The following CADM2 variants were observed in gnomAD, a reference collection of about 807,000 sequenced individuals.
CADM2 encodes the protein immunoglobulin superfamily member 4D.
Under a neutral mutation model 49.8 loss-of-function variants are expected in CADM2, and 12 were observed. The observed-to-expected ratio is 0.24, with a 90% confidence interval of 0.15 to 0.39. The LOEUF (loss-of-function observed/expected upper bound fraction) is 0.39, where lower values mean the gene tolerates loss of function less well. Ranked by LOEUF, CADM2 falls within the 10% of genes least tolerant of loss-of-function variation. The pLI is 1.00. For missense variants in CADM2, 378 were observed against 492.3 expected, an observed-to-expected ratio of 0.77 and a Z score of 2.20; for synonymous variants, 214 against 175.4, an observed-to-expected ratio of 1.22 and a Z score of -1.74.
chr3:86,046,759 T>C (rs1402289348), intron 8 of CADM2, among the ~76,000 whole-genome samples: 1 of 152,202 alleles, frequency 6.6e-6, no homozygotes, highest in East Asian at 1.9e-4. Flanking sequence ...GCTTTATTTT[T>C]CCTCCGTCTT....
chr3:85,193,387 A>G (rs890576730), intron 1 of CADM2, among the ~76,000 whole-genome samples: 1 of 152,040 alleles, frequency 6.6e-6, no homozygotes, highest in African/African-American at 2.4e-5. Flanking sequence ...TAGCAGATCT[A>G]TCTAAAAAAT....
At chr3:85,033,333 T>A (rs1448625581) in intron 1 of CADM2, among the ~76,000 whole-genome samples, 1 of 152,172 alleles carries the variant, frequency 6.6e-6, no homozygotes, top group Non-Finnish European at 1.5e-5. Flanking sequence ...TAAAGTTTAT[T>A]TTTAGGTAGC....
intron 1 of CADM2, among the ~76,000 whole-genome samples, chr3:85,550,257 A>G (rs2061768825): frequency 6.6e-6 from 1 of 152,222 alleles, no homozygotes; most frequent in Non-Finnish European, 1.5e-5. Flanking sequence ...TGTATATTTT[A>G]AATTCAAGGA....
chr3:85,540,805 C>A (rs1466316422), intron 1 of CADM2, among the ~76,000 whole-genome samples: 1 of 152,110 alleles, frequency 6.6e-6, no homozygotes, highest in Admixed American at 6.6e-5. Flanking sequence ...GCTGGAAGTA[C>A]AAGATCAATG....
intron 7 of CADM2, among the ~76,000 whole-genome samples, chr3:85,946,461 C>T (rs1315790952): frequency 4.6e-5 from 7 of 151,918 alleles, no homozygotes; most frequent in Non-Finnish European, 8.8e-5. Flanking sequence ...AAAAAGAGCC[C>T]GCATCGCCAA....
At chr3:85,135,419 T>G (rs2039386165) in intron 1 of CADM2, among the ~76,000 whole-genome samples, 1 of 152,054 alleles carries the variant, frequency 6.6e-6, no homozygotes, top group Non-Finnish European at 1.5e-5. Context: ...ATTGGCACAA[T>G]ATAATTTTGT....
chr3:86,043,851 A>C (rs1442542018), intron 8 of CADM2, among the ~76,000 whole-genome samples: 1 of 152,202 alleles, frequency 6.6e-6, no homozygotes, highest in African/African-American at 2.4e-5. Flanking sequence ...TGGTAGTGGT[A>C]CCAAAACAGA....
intron 1 of CADM2, among the ~76,000 whole-genome samples, chr3:85,330,760 C>G (rs1450939600): frequency 7.0e-6 from 1 of 142,158 alleles, no homozygotes; most frequent in East Asian, 2.1e-4. Context: ...GCAGTAAGTG[C>G]AGCCTGAGCA....
chr3:85,603,275 A>G (rs2063461189), intron 1 of CADM2, among the ~76,000 whole-genome samples: 1 of 151,912 alleles, frequency 6.6e-6, no homozygotes, highest in Non-Finnish European at 1.5e-5. Context: ...TTCTTCTAAC[A>G]TGCCATTGAC....
intron 1 of CADM2, among the ~76,000 whole-genome samples, chr3:85,032,330 A>G (rs1349275566): frequency 6.6e-6 from 1 of 152,170 alleles, no homozygotes; most frequent in African/African-American, 2.4e-5. Flanking sequence ...AGAGGACCAC[A>G]TTGCCATTTT....
intron 1 of CADM2, among the ~76,000 whole-genome samples, chr3:85,378,638 G>A (rs987871352): frequency 3.3e-5 from 5 of 151,944 alleles, no homozygotes; most frequent in Non-Finnish European, 7.4e-5. Context: ...ATTTCTCAGC[G>A]AAAATGAAGA....
chr3:85,420,079 GGA>G (rs1201571884), intron 1 of CADM2, among the ~76,000 whole-genome samples: 1 of 152,142 alleles, frequency 6.6e-6, no homozygotes, highest in East Asian at 1.9e-4. Context: ...TTCACAGTGG[GGA>G]GAGATTCCAG....
At chr3:85,099,375 A>T (rs1396497085) in intron 1 of CADM2, among the ~76,000 whole-genome samples, 1 of 152,206 alleles carries the variant, frequency 6.6e-6, no homozygotes, top group Non-Finnish European at 1.5e-5. Flanking sequence ...CTGAAAGCAT[A>T]ATATGAATAA....
chr3:84,987,592 C>T (rs550591402), intron 1 of CADM2, among the ~76,000 whole-genome samples: 195 of 152,202 alleles, frequency 1.3e-3, no homozygotes, highest in Admixed American at 2.3e-3. Flanking sequence ...TCTGCTGCTA[C>T]ATAATCTATT....
chr3:85,419,006 A>G (rs552577801), intron 1 of CADM2, among the ~76,000 whole-genome samples: 95 of 152,152 alleles, frequency 6.2e-4, no homozygotes, highest in Non-Finnish European at 6.2e-4. Flanking sequence ...CAGAAAGTTC[A>G]AAGAGAGCCC....
At chr3:85,482,066 A>G (rs2039235876) in intron 1 of CADM2, among the ~76,000 whole-genome samples, 1 of 151,768 alleles carries the variant, frequency 6.6e-6, no homozygotes, top group Admixed American at 6.6e-5. Context: ...ATAATAATAC[A>G]TATTAAGAAA....
chr3:85,456,183 G>C (rs1038142351), intron 1 of CADM2, among the ~76,000 whole-genome samples: 3 of 152,144 alleles, frequency 2.0e-5, no homozygotes, highest in Non-Finnish European at 4.4e-5. Context: ...AGTCAGAGTT[G>C]TCTGGTATCA....
At chr3:86,058,553 G>A (rs547950075) in intron 8 of CADM2, among the ~76,000 whole-genome samples, 22 of 152,162 alleles carry the variant, frequency 1.4e-4, no homozygotes, top group Middle Eastern at 3.4e-3. Context: ...TCCAGAGTTT[G>A]TAAGCAGTGT....
chr3:85,369,282 CACATA>C (rs2033021350), intron 1 of CADM2, among the ~76,000 whole-genome samples: 2 of 152,164 alleles, frequency 1.3e-5, no homozygotes, highest in African/African-American at 2.4e-5. Context: ...AATCATGCAT[CACATA>C]ACATTTCAGT....
Sources: allele counts gnomAD v4.1 joint callset (sites outside exome capture counted in the v4.1 genomes callset), GRCh38; gene constraint gnomAD v4.1.1; transcripts MANE v1.5; gene names NCBI Gene and HGNC (gene_info 2026-07-23, HGNC 2026-07-21).